Variants in ABCD2 observed in about 807,000 individuals in gnomAD.
ABCD2 encodes the protein ATP-binding cassette sub-family D member 2.
In ABCD2, 36 loss-of-function variants were observed where a neutral mutation model predicts 70.9. The ratio of observed to expected loss-of-function variants is 0.51; its 90% CI spans 0.39 to 0.67. The LOEUF (loss-of-function observed/expected upper bound fraction) is 0.67, where lower values mean the gene tolerates loss of function less well. Ranked by LOEUF, ABCD2 falls within the 30% of genes least tolerant of loss-of-function variation. ABCD2 has a pLI of 0.00. For synonymous variants in ABCD2, 304 were observed against 306.9 expected (o/e 0.99, Z 0.10); for missense variants, 729 against 890.2 (o/e 0.82, Z 2.30).
chr12:39,566,097 T>G (rs986322811), intron 9 of ABCD2, among the ~76,000 whole-genome samples: 7 of 152,162 alleles, frequency 4.6e-5, no homozygotes, highest in African/African-American at 9.7e-5. Flanking sequence ...TCTCTTTTTT[T>G]GTTGTGTCTC....
rs745385504 is a variant in ABCD2 at position 39,617,103 on chromosome 12, G to C, written c.1005C>G (p.Ser335=). 5.0e-6 allele frequency: 8 copies of C among 1,611,500 alleles called. No homozygotes were observed. The Admixed American group carries it at 1.3e-4, about 27-fold the overall frequency. The change falls in exon 2 of 10, where the codon TCC becomes TCG. Residue 335 remains serine, a synonymous_variant. Coordinates refer to ENST00000308666, the MANE Select transcript of ABCD2 (RefSeq NM_005164.4). The part of the protein sequence containing the change: ...ALADQMNLIL[S]KRLWYIMIEQ... Reference sequence around the variant, plus strand: ...CTATCATGATGTACCACAAACGTTTGGATAAAATGAGGTTCATCTGATCTG... The same window carrying C: ...CTATCATGATGTACCACAAACGTTTCGATAAAATGAGGTTCATCTGATCTG...
downstream of ABCD2, among the ~76,000 whole-genome samples, chr12:39,548,377 G>C (rs146797372): frequency 8.2e-4 from 125 of 152,198 alleles, 1 homozygote; most frequent in African/African-American, 2.7e-3. Context: ...AGGAGCATCT[G>C]TAGCTGCTTG....
chr12:39,603,456 A>G (rs1941927894), intron 5 of ABCD2, among the ~76,000 whole-genome samples: 1 of 152,060 alleles, frequency 6.6e-6, no homozygotes, highest in South Asian at 2.1e-4. Flanking sequence ...AAATCTTCTG[A>G]TTATTTTATA....
chr12:39,607,764 T>TC, intron 2 of ABCD2, 50 bp from the exon 3 acceptor site: 2 of 1,225,782 alleles, frequency 1.6e-6, no homozygotes, highest in Non-Finnish European at 2.3e-6. Flanking sequence ...TTTTTTTTTT[T>TC]TAGTAACTTA....
rs780442111 is a variant in ABCD2 at position 39,603,984 on chromosome 12, G to A, written c.1428C>T (p.His476=). 40 of 1,611,698 alleles carry A rather than the reference G, an allele frequency of 2.5e-5. No homozygotes were observed. The highest frequency in any genetic ancestry group is 1.3e-4 in the East Asian group (6 of 44,718). ...AIKGKVIDVD[H]GIICENVPII... ...TGGGAACATTTTCACAAATAATTCC[G>A]TGATCCACATCAATAACTTTTCCTG... The change falls in exon 5 of 10, where the codon CAC becomes CAT. Residue 476 remains histidine, a synonymous_variant. Transcript: ENST00000308666.
Position 39,586,256 on chromosome 12 carries a change from TA to T in ABCD2, c.1687del (p.Tyr563ThrfsTer30), listed in dbSNP as rs1368396372. 6.2e-7 allele frequency: 1 copy of T among 1,613,406 alleles called. No homozygotes were observed. The highest frequency in any genetic ancestry group is 1.1e-5 in the South Asian group (1 of 90,956). On this transcript the variant is annotated frameshift_variant, in exon 7 of 10. Coordinates refer to ENST00000308666, the MANE Select transcript of ABCD2 (RefSeq NM_005164.4). LOFTEE classifies it high-confidence loss of function. ...SLGSLRDQVIYPDSVDDMHDK... is the reference protein window; with the variant it reads ...SLGSLRDQVIXPDSVDDMHDK... The stretch of plus-strand genomic sequence containing the variant: ...ATGCATATCATCCACTGAATCAGGG[TA>T]AATGACTTGATCCCGAAGACTTCCA...
chr12:39,575,223 T>C (rs539591862), intron 8 of ABCD2, among the ~76,000 whole-genome samples: 1 of 152,296 alleles, frequency 6.6e-6, no homozygotes, highest in Non-Finnish European at 1.5e-5. Flanking sequence ...TCAGAGTGCC[T>C]TGATCGAAAC....
chr12:39,534,285 C>T, the ABCD2 span, among the ~76,000 whole-genome samples: 2 of 152,170 alleles, frequency 1.3e-5, no homozygotes, highest in African/African-American at 4.8e-5. Context: ...TTATTATCTT[C>T]AGTTAAACAC....
chr12:39,611,524 G>A (rs1280996591), intron 2 of ABCD2, among the ~76,000 whole-genome samples: 3 of 151,562 alleles, frequency 2.0e-5, no homozygotes, highest in Non-Finnish European at 2.9e-5. Context: ...TATAACCTGC[G>A]CCTATCCTCC....
At chr12:39,545,123 C>T (rs937601338), downstream of ABCD2, among the ~76,000 whole-genome samples, 1 of 152,156 alleles carries the variant, frequency 6.6e-6, no homozygotes, top group Admixed American at 6.5e-5. Context: ...AAAAACAAAT[C>T]ATGGTAGAAC....
intron 9 of ABCD2, among the ~76,000 whole-genome samples, chr12:39,568,562 A>G (rs1412345948): frequency 1.3e-5 from 2 of 151,782 alleles, no homozygotes; most frequent in Non-Finnish European, 2.9e-5. Flanking sequence ...CTTGTTTTCC[A>G]TGGGTTCGAA....
intron 9 of ABCD2, among the ~76,000 whole-genome samples, chr12:39,571,835 T>A (rs59518553): frequency 0.049 from 7,441 of 152,266 alleles, 230 homozygotes; most frequent in East Asian, 0.14. Context: ...CAGACTCTAG[T>A]ATTGATTTTA....
chr12:39,579,119 T>C (rs1212334318), intron 8 of ABCD2, among the ~76,000 whole-genome samples: 1 of 152,218 alleles, frequency 6.6e-6, no homozygotes, highest in Non-Finnish European at 1.5e-5. Context: ...CCCAGCACTT[T>C]GGGAGGCCAA....
chr12:39,607,415 A>G (rs974688656), intron 3 of ABCD2, among the ~76,000 whole-genome samples, 184 bp downstream of exon 3: 4 of 152,228 alleles, frequency 2.6e-5, no homozygotes, highest in Admixed American at 1.3e-4. Context: ...TGATAGTATT[A>G]TAAAACAAAG....
chr12:39,594,586 A>G (rs538067529), intron 6 of ABCD2, among the ~76,000 whole-genome samples: 1 of 152,348 alleles, frequency 6.6e-6, no homozygotes, highest in South Asian at 2.1e-4. Context: ...AAATATAGAT[A>G]TCAATTAAAG....
Position 39,603,962 on chromosome 12 carries a change from G to T in ABCD2, c.1450C>A (p.Pro484Thr). The change falls in exon 5 of 10, where the codon CCC (proline) becomes ACC (threonine). Residue 484 changes from proline (P) to threonine (T), a missense_variant. Pro to Thr is a conservative substitution (Grantham distance 38, BLOSUM62 -1). This residue lies in a region of ABCD2 where 289 missense variants were observed against 328.8 expected (regional missense o/e 0.88). Transcript: ENST00000308666. ...VDHGIICENVPIITPAGEVVA... is the reference protein window; with the variant it reads ...VDHGIICENVTIITPAGEVVA... ...ACTTCTCCTGCTGGTGTAATTATGG[G>T]AACATTTTCACAAATAATTCCGTGA... 4 of 1,612,530 alleles carry T rather than the reference G, an allele frequency of 2.5e-6. No homozygotes were observed. Among genetic ancestry groups the T allele is most frequent in the Non-Finnish European group, 3.4e-6 (4 of 1,179,134 alleles).
At chr12:39,606,460 G>A (rs957900810) in intron 3 of ABCD2, among the ~76,000 whole-genome samples, 2 of 152,134 alleles carry the variant, frequency 1.3e-5, no homozygotes, top group African/African-American at 4.8e-5. Context: ...AGACAGTTTA[G>A]AAAAACTAAT....
At chr12:39,586,037 T>A (rs11172692) in intron 7 of ABCD2, 115 bp downstream of exon 7, 4 of 918,726 alleles carry the variant, frequency 4.4e-6, no homozygotes, top group Non-Finnish European at 6.3e-6. Context: ...TTTACACTTA[T>A]GTGCTTATTT....
intron 2 of ABCD2, among the ~76,000 whole-genome samples, chr12:39,610,760 T>TAATA (rs1481875300): frequency 1.3e-5 from 2 of 152,176 alleles, no homozygotes; most frequent in African/African-American, 2.4e-5. Flanking sequence ...AGCAATAAAA[T>TAATA]AATAAAAGCT....
Sources: allele counts gnomAD v4.1 joint callset (sites outside exome capture counted in the v4.1 genomes callset), GRCh38; gene constraint gnomAD v4.1.1; regional missense constraint gnomAD v4.1.1; transcripts MANE v1.5; gene names NCBI Gene and HGNC (gene_info 2026-07-23, HGNC 2026-07-21).